GNA15: variants seen among roughly 807,000 people sequenced by gnomAD.
The protein encoded by GNA15 is G protein subunit alpha 15, also known as guanine nucleotide-binding protein subunit alpha-15.
A neutral mutation model predicts 40.1 loss-of-function variants in GNA15; 23 were observed. The observed-to-expected ratio is 0.57, with a 90% CI of 0.41 to 0.81. The LOEUF (loss-of-function observed/expected upper bound fraction) is 0.81. GNA15 is among the 40% of genes least tolerant of loss of function. GNA15 has a pLI of 0.00. For synonymous variants in GNA15, 226 were observed against 210.4 expected, an observed-to-expected ratio of 1.07 and a Z score of -0.64; for missense variants, 522 against 515.8, an observed-to-expected ratio of 1.01 and a Z score of -0.12.
chr19:3,150,805 C>T (rs922631885), intron 3 of GNA15, among the ~76,000 whole-genome samples: 1 of 151,350 alleles, frequency 6.6e-6, no homozygotes, highest in Non-Finnish European at 1.5e-5. Flanking sequence ...TCCTGGAGAA[C>T]CCTGTTCCTG....
At position 3,151,754 on chromosome 19, in the gene GNA15, C is replaced by T. The variant is rs746672546; in HGVS notation, c.533C>T (p.Thr178Ile). 6.2e-6 allele frequency: 10 copies of T among 1,611,178 alleles called. No homozygotes were observed. Among genetic ancestry groups the T allele is most frequent in the Admixed American group, 1.7e-5 (1 of 59,764 alleles). ...ERITEEGYVP[T>I]AQDVLRSRMP... ...ATCACCGAGGAGGGCTACGTCCCCA[C>T]AGCTCAGGACGTGCTCCGCAGCCGC... is the stretch of plus-strand genomic sequence containing the variant. Residue 178 changes from threonine to isoleucine, a missense_variant, in exon 4 of 7, where the codon ACA becomes ATA. Physicochemically the swap from Thr to Ile is moderately conservative, Grantham distance 89 (BLOSUM62 -1). Transcript: ENST00000262958. This position sits in a 1 kb window ranked among gnomAD's most constrained non-coding sequence, Gnocchi z 5.0.
chr19:3,150,196 T>C lies in GNA15; in HGVS notation c.396T>C (p.Ala132=), dbSNP rs754586717. ...YKVTTFEKRY[A]AAMQWLWRDA... is the part of the protein sequence containing the mutation. ...TGACCACGTTTGAGAAGCGCTACGC[T>C]GCGGCCATGCAGTGGCTGTGGAGGG... Residue 132 remains alanine, a synonymous_variant, in exon 3 of 7, where the codon GCT becomes GCC. Transcript: ENST00000262958. 8 of 1,612,964 alleles carry C rather than the reference T, an allele frequency of 5.0e-6. No homozygotes were observed. In the South Asian group the frequency reaches 7.7e-5, roughly 15 times the overall value.
rs1318093218 is a variant in GNA15, at chr19:3,136,483, C to T, written c.33C>T (p.Pro11=). 6.4e-7 allele frequency: 1 copy of T among 1,554,318 alleles called. No homozygotes were observed. Among genetic ancestry groups the T allele is most frequent in the African/African-American group, 1.4e-5 (1 of 73,466 alleles). MARSLTWRCC[P]WCLTEDEKAA... is the part of the protein sequence containing the mutation. ...GCTCGCTGACCTGGCGCTGCTGCCC[C>T]TGGTGCCTGACGGAGGATGAGAAGG... Residue 11 remains proline (P), a synonymous_variant, in exon 1 of 7, where the codon CCC becomes CCT. Transcript: ENST00000262958. This position sits in a 1 kb window ranked among gnomAD's most constrained non-coding sequence, Gnocchi z 4.9.
chr19:3,157,642 AGCCAACAGCCCCGTCTCCGC>A (rs1232980822), intron 5 of GNA15, 66 bp from the exon 6 acceptor site: 27 of 1,224,196 alleles, frequency 2.2e-5, no homozygotes, highest in African/African-American at 4.5e-5. Context: ...ATGCCCCTGG[AGCCAACAGCCCCGTCTCCGC>A]GATGGGAGGG....
chr19:3,157,018 A>G (rs1232143013), intron 5 of GNA15, among the ~76,000 whole-genome samples: 2 of 150,620 alleles, frequency 1.3e-5, no homozygotes, highest in African/African-American at 2.4e-5. Flanking sequence ...TTTTTTTGAG[A>G]TGGAGTCTCG....
chr19:3,162,019 T>A (rs1915148567), intron 6 of GNA15, among the ~76,000 whole-genome samples: 1 of 150,432 alleles, frequency 6.6e-6, no homozygotes. Context: ...GGTGACAGAG[T>A]GAGACTCTGT....
At position 3,148,653 on chromosome 19, in the gene GNA15, T is replaced by C. The variant is rs1293328313; in HGVS notation, c.208T>C (p.Tyr70His). 6.3e-7 allele frequency: 1 copy of C among 1,590,882 alleles called. No individual in the cohort carries two copies. The highest frequency in any genetic ancestry group is 8.6e-7 in the Non-Finnish European group (1 of 1,168,668). ...KQMRIIHGAG[Y>H]SEEERKGFRP... is the part of the protein sequence containing the mutation. Reference sequence around the variant, plus strand: ...GATGCGGATCATCCACGGCGCCGGCTACTCGGAGGAGGAGCGCAAGGGCTT... The same window carrying C: ...GATGCGGATCATCCACGGCGCCGGCCACTCGGAGGAGGAGCGCAAGGGCTT... Residue 70 changes from tyrosine (Y) to histidine (H), a missense_variant, in exon 2 of 7, where the codon TAC (tyrosine) becomes CAC (histidine). Physicochemically the swap from Tyr to His is moderately conservative, Grantham distance 83. Transcript: ENST00000262958.
chr19:3,158,335 G>A (rs1336526655), intron 6 of GNA15, among the ~76,000 whole-genome samples: 1 of 151,810 alleles, frequency 6.6e-6, no homozygotes, highest in Non-Finnish European at 1.5e-5. Context: ...TTTTTAGTAC[G>A]AAAAGACGGG....
chr19:3,143,926 C>T (rs1167002376), intron 1 of GNA15, among the ~76,000 whole-genome samples: 1 of 151,070 alleles, frequency 6.6e-6, no homozygotes, highest in African/African-American at 2.4e-5. Flanking sequence ...CGAGACCATC[C>T]TGGCTAACAT....
In GNA15 at chr19:3,149,754, C is replaced by T. The variant is rs531048137; in HGVS notation, c.331-377C>T. ...GCGCCTCTGGGGGACTTCTGAGGGG[C>T]AGATTGCTTCAGTGCTCTGTGTCTT... On this transcript the variant is annotated intron_variant, in intron 2 of 6. Coordinates refer to ENST00000262958, the MANE Select transcript of GNA15 (RefSeq NM_002068.4). 5.8e-5 allele frequency: 10 copies of T among 171,946 alleles called. No homozygotes were observed. The South Asian group carries it at 1.4e-3, about 23-fold the overall frequency. 10.7% of individuals were successfully genotyped at this position (171,946 alleles called of 1,614,324 possible).
intron 6 of GNA15, 112 bp downstream of exon 6, chr19:3,157,993 T>A: frequency 1.2e-6 from 1 of 814,744 alleles, no homozygotes. Context: ...TCACATAGGA[T>A]CAGACCCGCG....
chr19:3,140,981 G>A (rs1471297428), intron 1 of GNA15, among the ~76,000 whole-genome samples: 1 of 152,216 alleles, frequency 6.6e-6, no homozygotes, highest in African/African-American at 2.4e-5. Context: ...CTGGAGACAG[G>A]TCTGAGGGCA....
chr19:3,141,680 A>G (rs1315206075), intron 1 of GNA15: 1 of 152,300 alleles, frequency 6.6e-6, no homozygotes, highest in Non-Finnish European at 1.5e-5. Flanking sequence ...TAGAGATGTG[A>G]GCCATTGTGC....
At chr19:3,153,222 A>G (rs1015425630) in intron 4 of GNA15, among the ~76,000 whole-genome samples, 10 of 151,126 alleles carry the variant, frequency 6.6e-5, no homozygotes, top group African/African-American at 2.4e-4. Flanking sequence ...CCCAAGGATG[A>G]CTTCTATGGG....
chr19:3,156,585 C>T (rs62127303), intron 5 of GNA15, among the ~76,000 whole-genome samples: 24,017 of 152,158 alleles, frequency 0.16, 2,251 homozygotes, highest in Middle Eastern at 0.21. Context: ...CTCCGCCTCC[C>T]GGGTTCACAC....
At chr19:3,140,815 C>T (rs1392473192) in intron 1 of GNA15, among the ~76,000 whole-genome samples, 1 of 152,182 alleles carries the variant, frequency 6.6e-6, no homozygotes, top group Non-Finnish European at 1.5e-5. Flanking sequence ...TCATATCTTC[C>T]TGGAGCTGGG....
intron 4 of GNA15, chr19:3,154,882 G>A (rs1914975881): frequency 6.6e-6 from 1 of 152,148 alleles, no homozygotes; most frequent in Admixed American, 6.5e-5. Flanking sequence ...GCCCAGGAGT[G>A]AGACGAATGA....
intron 1 of GNA15, among the ~76,000 whole-genome samples, chr19:3,139,850 G>A (rs1472868392): frequency 3.3e-5 from 5 of 151,036 alleles, no homozygotes; most frequent in Admixed American, 6.6e-5. Flanking sequence ...CCTGGCTAAT[G>A]TGGTGAAACC....
At chr19:3,154,401 G>GTGGGTGGA (rs1271439884) in intron 4 of GNA15, among the ~76,000 whole-genome samples, 4 of 132,572 alleles carry the variant, frequency 3.0e-5, no homozygotes, top group African/African-American at 1.1e-4. Context: ...GGGTGGGAGG[G>GTGGGTGGA]TGGGTGGATG....
Sources: allele counts gnomAD v4.1 joint callset (sites outside exome capture counted in the v4.1 genomes callset), GRCh38; gene constraint gnomAD v4.1.1; non-coding constraint Gnocchi (gnomAD v3.1); transcripts MANE v1.5; gene names NCBI Gene and HGNC (gene_info 2026-07-23, HGNC 2026-07-21).